DIP2B: variants seen among roughly 807,000 people sequenced by gnomAD.
DIP2B encodes DIP2 acetate--CoA ligase B (putative), also known as disco-interacting protein 2 homolog B.
A neutral mutation model predicts 198.0 loss-of-function variants in DIP2B; 76 were observed. The ratio of observed to expected loss-of-function variants is 0.38; its 90% CI spans 0.32 to 0.46. DIP2B has a LOEUF of 0.46. Ranked by LOEUF, DIP2B falls within the 20% of genes least tolerant of loss-of-function variation. The pLI is 0.99. For synonymous variants in DIP2B, 701 were observed against 739.1 expected, an observed-to-expected ratio of 0.95 and a Z score of 0.84; for missense variants, 1,559 against 1,978.4, an observed-to-expected ratio of 0.79 and a Z score of 4.02.
At chr12:50,729,828 C>G (rs1208052726) in intron 30 of DIP2B, among the ~76,000 whole-genome samples, 1 of 151,460 alleles carries the variant, frequency 6.6e-6, no homozygotes, top group African/African-American at 2.4e-5. Flanking sequence ...CTCCCAAGCT[C>G]AAGCGATCCT....
chr12:50,561,777 T>A (rs1958521301), intron 1 of DIP2B, among the ~76,000 whole-genome samples: 1 of 152,154 alleles, frequency 6.6e-6, no homozygotes, highest in South Asian at 2.1e-4. Context: ...TTGGCTAATT[T>A]TTGTATTTTT....
intron 24 of DIP2B, 57 bp downstream of exon 24, chr12:50,718,875 C>T: frequency 6.2e-7 from 1 of 1,609,844 alleles, no homozygotes. Flanking sequence ...GAACTTACTG[C>T]AGGTAGCAGC....
intron 2 of DIP2B, among the ~76,000 whole-genome samples, chr12:50,632,945 TAAAAAA>T (rs79461135): frequency 6.7e-6 from 1 of 148,160 alleles, no homozygotes; most frequent in African/African-American, 2.5e-5. Flanking sequence ...TTTTTTTTCT[TAAAAAA>T]AAAAATAATT....
chr12:50,631,568 G>T (rs1017141696), intron 2 of DIP2B, among the ~76,000 whole-genome samples: 1 of 152,068 alleles, frequency 6.6e-6, no homozygotes, highest in Non-Finnish European at 1.5e-5. Flanking sequence ...CAGTAGCTGG[G>T]ATTACAGGTT....
chr12:50,509,311 G>T (rs1240392278), intron 1 of DIP2B, among the ~76,000 whole-genome samples: 1 of 152,288 alleles, frequency 6.6e-6, no homozygotes, highest in South Asian at 2.1e-4. Context: ...CTAGTAGAGC[G>T]GGCTATAATT....
Position 50,505,228 on chromosome 12 carries a change from G to T in DIP2B, c.88G>T (p.Glu30Ter). ...VRAQLAELELELSEGDITQKG... is the reference protein window; with the variant it reads ...VRAQLAELEL ...GGCGCAGCTGGCGGAGCTGGAGCTGGAGCTCTCGGAGGGTAGGAGCCGGGC... is the reference window on the plus strand; with the variant it reads ...GGCGCAGCTGGCGGAGCTGGAGCTGTAGCTCTCGGAGGGTAGGAGCCGGGC... Residue 30 changes from glutamate to a stop codon, truncating the protein, a stop_gained, in exon 1 of 38, where the codon GAG becomes TAG. Coordinates refer to ENST00000301180, the MANE Select transcript of DIP2B (RefSeq NM_173602.3). LOFTEE classifies it high-confidence loss of function. The T allele has an allele frequency of 6.6e-7, 1 of 1,517,484 alleles. No individual in the cohort carries two copies. The highest frequency in any genetic ancestry group is 2.6e-5 in the East Asian group (1 of 38,560). The allele number at this position is 1,517,484 out of a possible 1,614,324, so 94.0% of individuals were successfully genotyped here. A position where few individuals can be genotyped will look rare whatever the true frequency, so the allele number is the denominator to read the frequency against.
chr12:50,686,467 TA>T, intron 11 of DIP2B, 105 bp from the exon 12 acceptor site: 1 of 923,462 alleles, frequency 1.1e-6, no homozygotes, highest in South Asian at 1.8e-5. Flanking sequence ...TTATTGATTA[TA>T]AAATGATCTT....
At chr12:50,636,254 A>G (rs949571979) in intron 2 of DIP2B, among the ~76,000 whole-genome samples, 2 of 152,230 alleles carry the variant, frequency 1.3e-5, no homozygotes, top group African/African-American at 4.8e-5. Context: ...GTATGTATGC[A>G]TAGGGTTTGA....
At chr12:50,730,379 TCTC>T (rs143021974) in intron 30 of DIP2B, among the ~76,000 whole-genome samples, 33,681 of 114,856 alleles carry the variant, frequency 0.29, 5,286 homozygotes, top group Non-Finnish European at 0.45. Context: ...TTTCTCTCTC[TCTC>T]TTTTTTTTTT....
At chr12:50,509,212 G>A (rs1458952335) in intron 1 of DIP2B, among the ~76,000 whole-genome samples, 1 of 152,212 alleles carries the variant, frequency 6.6e-6, no homozygotes, top group African/African-American at 2.4e-5. Context: ...GTTATGTACA[G>A]AGGCTGCCTT....
At chr12:50,510,733 C>T (rs909498574) in intron 1 of DIP2B, among the ~76,000 whole-genome samples, 68 of 151,912 alleles carry the variant, frequency 4.5e-4, no homozygotes, top group Admixed American at 4.4e-3. Context: ...GCAACCTCCA[C>T]CTCCTGGGTT....
intron 1 of DIP2B, among the ~76,000 whole-genome samples, chr12:50,593,137 A>G (rs1958833723): frequency 1.3e-5 from 2 of 152,200 alleles, no homozygotes; most frequent in Non-Finnish European, 2.9e-5. Flanking sequence ...AACCCATACA[A>G]TAAGTAGAAC....
chr12:50,527,954 G>A (rs548915531), intron 1 of DIP2B, among the ~76,000 whole-genome samples: 4 of 147,750 alleles, frequency 2.7e-5, no homozygotes, highest in Non-Finnish European at 6.0e-5. Flanking sequence ...TGGAGACAGA[G>A]TCTTAGTCTG....
chr12:50,744,820 A>G lies in DIP2B; in HGVS notation c.4712A>G (p.Tyr1571Cys). 2 of 1,614,150 alleles carry G rather than the reference A, an allele frequency of 1.2e-6. No homozygotes were observed. The highest frequency in any genetic ancestry group is 1.7e-6 in the Non-Finnish European group (2 of 1,180,026). Reference protein sequence around the residue: ...SFLADQLDPIYVAYNM With the variant: ...SFLADQLDPICVAYNM Reference sequence around the variant, plus strand: ...CTAGCTGACCAGTTAGACCCCATCTACGTGGCTTATAACATGTAACCAGCC... The same window carrying G: ...CTAGCTGACCAGTTAGACCCCATCTGCGTGGCTTATAACATGTAACCAGCC... The change falls in exon 38 of 38, where the codon TAC becomes TGC. Residue 1571 changes from tyrosine (Y) to cysteine (C), a missense_variant. Tyr to Cys is a radical substitution (Grantham distance 194). Transcript: ENST00000301180.
intron 26 of DIP2B, among the ~76,000 whole-genome samples, chr12:50,722,489 G>A (rs564848446): frequency 1.6e-4 from 25 of 152,078 alleles, no homozygotes; most frequent in African/African-American, 5.8e-4. Flanking sequence ...CCTGACCTCA[G>A]GTGATCCACC....
At chr12:50,548,608 C>T (rs1958397705) in intron 1 of DIP2B, among the ~76,000 whole-genome samples, 1 of 152,202 alleles carries the variant, frequency 6.6e-6, no homozygotes, top group Non-Finnish European at 1.5e-5. Context: ...TCACTGCAAC[C>T]TCTGCCTCCC....
intron 4 of DIP2B, among the ~76,000 whole-genome samples, chr12:50,665,417 C>G (rs1938732775): frequency 1.3e-5 from 2 of 152,090 alleles, no homozygotes; most frequent in Admixed American, 6.5e-5. Flanking sequence ...TGATTGTGTT[C>G]ATTATTCCAC....
chr12:50,521,098 T>TG (rs1958113512), intron 1 of DIP2B, among the ~76,000 whole-genome samples: 1 of 29,260 alleles, frequency 3.4e-5, no homozygotes, highest in Admixed American at 3.5e-4. Flanking sequence ...GCAACAGTTT[T>TG]TTTTTTTTTT....
intron 36 of DIP2B, among the ~76,000 whole-genome samples, 155 bp downstream of exon 36, chr12:50,739,741 A>C (rs1940206813): frequency 6.6e-6 from 1 of 152,242 alleles, no homozygotes; most frequent in Admixed American, 6.5e-5. Flanking sequence ...ATTTGGAGTC[A>C]TGCCTTGCCC....
Sources: allele counts gnomAD v4.1 joint callset (sites outside exome capture counted in the v4.1 genomes callset), GRCh38; gene constraint gnomAD v4.1.1; transcripts MANE v1.5; gene names NCBI Gene and HGNC (gene_info 2026-07-23, HGNC 2026-07-21).